Variants in NAV2 observed in about 807,000 individuals in gnomAD.
NAV2 encodes the protein helicase, APC down-regulated 1.
Under a neutral mutation model 223.2 loss-of-function variants are expected in NAV2, and 54 were observed. The ratio of observed to expected loss-of-function variants is 0.24; its 90% CI spans 0.19 to 0.30. The LOEUF is 0.30. NAV2 is among the 10% of genes least tolerant of loss of function. The pLI is 1.00. For missense variants in NAV2, 2,806 were observed against 3,147.5 expected (o/e 0.89, Z 2.60); for synonymous variants, 1,279 against 1,239.3 (o/e 1.03, Z -0.67).
intron 1 of NAV2, among the ~76,000 whole-genome samples, chr11:19,526,866 C>T (rs2043857306): frequency 6.6e-6 from 1 of 152,120 alleles, no homozygotes; most frequent in African/African-American, 2.4e-5. Context: ...CATTTTTGTA[C>T]CCACAGACCT....
chr11:19,763,174 C>T (rs1356789926), intron 1 of NAV2, among the ~76,000 whole-genome samples: 1 of 152,202 alleles, frequency 6.6e-6, no homozygotes, highest in Admixed American at 6.5e-5. Context: ...AATGAATGCT[C>T]ACAAAGATCT....
chr11:19,839,549 G>A (rs1410101994), intron 2 of NAV2, among the ~76,000 whole-genome samples: 1 of 152,200 alleles, frequency 6.6e-6, no homozygotes, highest in Non-Finnish European at 1.5e-5. Flanking sequence ...CCTTCTTTCT[G>A]TTGATGATCT....
At chr11:20,089,210 T>C (rs1055149807) in intron 26 of NAV2, among the ~76,000 whole-genome samples, 3 of 152,236 alleles carry the variant, frequency 2.0e-5, no homozygotes, top group African/African-American at 7.2e-5. Flanking sequence ...TTTGGGTTTT[T>C]CAATAAGATT....
chr11:19,806,670 G>T (rs1316411518), intron 1 of NAV2, among the ~76,000 whole-genome samples: 1 of 152,210 alleles, frequency 6.6e-6, no homozygotes, highest in African/African-American at 2.4e-5. Flanking sequence ...AGGGGATGGA[G>T]AATTTCTTTT....
chr11:19,432,940 G>A (rs1379722810), intron 1 of NAV2, among the ~76,000 whole-genome samples: 2 of 152,168 alleles, frequency 1.3e-5, no homozygotes, highest in East Asian at 3.9e-4. Flanking sequence ...CAGAACCACA[G>A]TGTCCTGAAG....
intron 1 of NAV2, among the ~76,000 whole-genome samples, chr11:19,802,958 T>G (rs2058354683): frequency 6.6e-6 from 1 of 152,228 alleles, no homozygotes; most frequent in Non-Finnish European, 1.5e-5. Context: ...ACAGCCATTT[T>G]GATCACAGAG....
intron 1 of NAV2, among the ~76,000 whole-genome samples, chr11:19,702,779 AAATAAT>A (rs199504956): frequency 1.3e-5 from 1 of 79,302 alleles, no homozygotes; most frequent in Non-Finnish European, 2.9e-5. Flanking sequence ...CCCTGTCTCA[AAATAAT>A]AATAATAATA....
At chr11:20,038,081 G>T (rs765115370) in intron 12 of NAV2, among the ~76,000 whole-genome samples, 11 of 152,206 alleles carry the variant, frequency 7.2e-5, no homozygotes, top group Non-Finnish European at 1.5e-4. Context: ...TGTACTGGAA[G>T]AATGTCCTTG....
In NAV2 at chr11:19,948,844, G is replaced by C; in HGVS notation, c.2409G>C (p.Gly803=). The change falls in exon 10 of 38, where the codon GGG becomes GGC. Residue 803 remains glycine (G), a synonymous_variant. Coordinates refer to ENST00000349880, the MANE Select transcript of NAV2 (RefSeq NM_145117.5). The part of the protein sequence containing the change: ...QAGDAPSMGN[G]YPPRANASRF... ...GAGACGCCCCCTCAATGGGCAATGG[G>C]TATCCCCCTCGAGCCAACGCCAGCA... 1 of 1,614,046 alleles carries C rather than the reference G, an allele frequency of 6.2e-7. No individual in the cohort carries two copies. Among genetic ancestry groups the C allele is most frequent in the African/African-American group, 1.3e-5 (1 of 74,992 alleles).
chr11:19,622,585 T>G (rs1042565981), intron 1 of NAV2, among the ~76,000 whole-genome samples: 4 of 151,654 alleles, frequency 2.6e-5, no homozygotes, highest in African/African-American at 9.7e-5. Context: ...CAACCCCTGC[T>G]TTTTTTTGTT....
intron 11 of NAV2, among the ~76,000 whole-genome samples, chr11:20,012,128 G>A (rs755583601): frequency 1.6e-4 from 25 of 152,222 alleles, no homozygotes; most frequent in Non-Finnish European, 3.2e-4. Context: ...GAAGAAAGTT[G>A]GCTGAAGAAT....
intron 10 of NAV2, among the ~76,000 whole-genome samples, chr11:19,956,526 TA>T (rs1273363314): frequency 1.3e-5 from 2 of 152,126 alleles, no homozygotes; most frequent in Admixed American, 1.3e-4. Flanking sequence ...AGAAATTTGC[TA>T]GAATGGCTCA....
chr11:20,067,533 A>G (rs961344788), intron 20 of NAV2, among the ~76,000 whole-genome samples: 2 of 152,108 alleles, frequency 1.3e-5, no homozygotes, highest in Non-Finnish European at 2.9e-5. Flanking sequence ...GCTAGAGTGC[A>G]GTGGTGTGAT....
chr11:19,917,671 G>T (rs989700078), intron 6 of NAV2, among the ~76,000 whole-genome samples: 15 of 152,188 alleles, frequency 9.9e-5, no homozygotes, highest in African/African-American at 3.4e-4. Context: ...GGAGTGCAGT[G>T]GCACGATCTC....
At chr11:19,791,354 T>G (rs1245478728) in intron 1 of NAV2, among the ~76,000 whole-genome samples, 1 of 152,070 alleles carries the variant, frequency 6.6e-6, no homozygotes, top group Non-Finnish European at 1.5e-5. Flanking sequence ...GCCCGCCCCT[T>G]GTACTGCACC....
intron 22 of NAV2, among the ~76,000 whole-genome samples, chr11:20,076,948 G>C (rs575018727): frequency 3.6e-4 from 55 of 152,312 alleles, no homozygotes; most frequent in African/African-American, 1.3e-3. Flanking sequence ...ACATTTCTCT[G>C]AGGAGGTAGC....
intron 11 of NAV2, among the ~76,000 whole-genome samples, chr11:20,011,572 C>A (rs538007165): frequency 6.6e-6 from 1 of 152,336 alleles, no homozygotes; most frequent in South Asian, 2.1e-4. Context: ...GAAACAGACA[C>A]ACATCGCTTA....
At chr11:19,948,163 GCAA>G (rs1245584154) in intron 9 of NAV2, among the ~76,000 whole-genome samples, 1 of 151,936 alleles carries the variant, frequency 6.6e-6, no homozygotes, top group African/African-American at 2.4e-5. Context: ...TCAGCTCACT[GCAA>G]CCTCAGCCTC....
At chr11:19,902,615 C>T (rs1478913833) in intron 6 of NAV2, among the ~76,000 whole-genome samples, 1 of 152,204 alleles carries the variant, frequency 6.6e-6, no homozygotes, top group Non-Finnish European at 1.5e-5. Context: ...TAAATCTCAG[C>T]ATTTCTCTTG....
Sources: allele counts gnomAD v4.1 joint callset (sites outside exome capture counted in the v4.1 genomes callset), GRCh38; gene constraint gnomAD v4.1.1; transcripts MANE v1.5; gene names NCBI Gene and HGNC (gene_info 2026-07-23, HGNC 2026-07-21).